PCDH19: variants seen among roughly 807,000 people sequenced by gnomAD.
PCDH19 encodes protocadherin-19.
Under a neutral mutation model 46.2 loss-of-function variants are expected in PCDH19, and 6 were observed. The observed-to-expected ratio is 0.13, with a 90% CI of 0.07 to 0.26. PCDH19 has a LOEUF of 0.26. Ranked by LOEUF, PCDH19 falls within the 10% of genes least tolerant of loss-of-function variation. The pLI is 1.00. For synonymous variants in PCDH19, 481 were observed against 415.7 expected (o/e 1.16, Z -1.91); for missense variants, 740 against 972.3 (o/e 0.76, Z 3.18).
intron 5 of PCDH19, among the ~76,000 whole-genome samples, chrX:100,327,452 G>A (rs1402192700): frequency 8.9e-6 from 1 of 112,030 alleles, no homozygotes; most frequent in African/African-American, 3.2e-5. Flanking sequence ...GACTAATGAT[G>A]TCAATCTTGA....
intron 3 of PCDH19, among the ~76,000 whole-genome samples, chrX:100,395,781 G>A (rs1436759750): frequency 8.8e-6 from 1 of 113,298 alleles, no homozygotes; most frequent in Non-Finnish European, 1.9e-5. Context: ...GGTGCTAGCA[G>A]CCTGGGTACA....
At chrX:100,384,396 TA>T (rs1436982293) in intron 3 of PCDH19, among the ~76,000 whole-genome samples, 9 of 111,123 alleles carry the variant, frequency 8.1e-5, no homozygotes, top group Non-Finnish European at 1.7e-4. Context: ...ATGAAACTAA[TA>T]ATTCTCCTTC....
At chrX:100,299,405 T>G (rs5921538) in intron 5 of PCDH19, among the ~76,000 whole-genome samples, 36,347 of 110,342 alleles carry the variant, frequency 0.33, 5,362 homozygotes, top group East Asian at 0.65. Flanking sequence ...AATTTTGAGA[T>G]TTAGTTTTTT....
chrX:100,301,669 A>G (rs1924786357), intron 5 of PCDH19, among the ~76,000 whole-genome samples: 1 of 111,316 alleles, frequency 9.0e-6, no homozygotes, highest in Non-Finnish European at 1.9e-5. Context: ...TTTTTGTGAG[A>G]TATAATGGAG....
chrX:100,377,414 C>T (rs58085170), intron 3 of PCDH19, among the ~76,000 whole-genome samples: 1 of 111,877 alleles, frequency 8.9e-6, no homozygotes, highest in Admixed American at 9.5e-5. Flanking sequence ...TTAACCTTCA[C>T]GCACATAATT....
At chrX:100,315,184 A>G (rs1379989086) in intron 5 of PCDH19, among the ~76,000 whole-genome samples, 1 of 112,301 alleles carries the variant, frequency 8.9e-6, no homozygotes, top group Non-Finnish European at 1.9e-5. Flanking sequence ...TTAGTAGGGT[A>G]TGTTATCAGC....
chrX:100,347,316 G>T (rs1416757371), intron 4 of PCDH19, among the ~76,000 whole-genome samples: 1 of 111,053 alleles, frequency 9.0e-6, no homozygotes, highest in Non-Finnish European at 1.9e-5. Context: ...TTCCTCCAGG[G>T]TCACTTCATG....
chrX:100,338,580 C>T (rs940700006), intron 5 of PCDH19, among the ~76,000 whole-genome samples: 1 of 101,641 alleles, frequency 9.8e-6, no homozygotes, highest in East Asian at 3.1e-4. Flanking sequence ...TTGAATATAA[C>T]ATTCTCCTTC....
At chrX:100,399,699 T>C (rs1385375857) in intron 3 of PCDH19, among the ~76,000 whole-genome samples, 1 of 111,688 alleles carries the variant, frequency 9.0e-6, no homozygotes, top group Non-Finnish European at 1.9e-5. Context: ...CCTTTCTGAA[T>C]GGGTTTGCCA....
intron 3 of PCDH19, among the ~76,000 whole-genome samples, chrX:100,366,644 A>T (rs1927078337): frequency 8.9e-6 from 1 of 112,375 alleles, no homozygotes; most frequent in South Asian, 3.7e-4. Context: ...ACAAGGTTAC[A>T]AGGAAAATGT....
chrX:100,339,916 T>C (rs754483101), intron 5 of PCDH19, among the ~76,000 whole-genome samples: 4 of 112,128 alleles, frequency 3.6e-5, no homozygotes, highest in African/African-American at 1.3e-4. Context: ...AAAGTGTGTA[T>C]GTGTGTGTAT....
At chrX:100,354,852 T>C (rs760648794) in intron 3 of PCDH19, among the ~76,000 whole-genome samples, 9 of 110,796 alleles carry the variant, frequency 8.1e-5, no homozygotes, top group African/African-American at 3.0e-4. Flanking sequence ...CTAGGAAATG[T>C]CCCCATTTCT....
At chrX:100,361,870 G>C (rs1195106680) in intron 3 of PCDH19, among the ~76,000 whole-genome samples, 1 of 110,193 alleles carries the variant, frequency 9.1e-6, no homozygotes, top group Non-Finnish European at 1.9e-5. Flanking sequence ...ATACTATTTG[G>C]GAGAAAAAAA....
At chrX:100,333,189 GAAAGAAAGAA>G (rs753678362) in intron 5 of PCDH19, among the ~76,000 whole-genome samples, 2,582 of 70,639 alleles carry the variant, frequency 0.037, 91 homozygotes, top group Middle Eastern at 0.087. Flanking sequence ...GAGAGAGAAA[GAAAGAAAGAA>G]AGAAAGAAAG....
At chrX:100,322,316 G>C (rs765955709) in intron 5 of PCDH19, among the ~76,000 whole-genome samples, 27 of 111,046 alleles carry the variant, frequency 2.4e-4, no homozygotes, top group Admixed American at 9.5e-5. Flanking sequence ...ACCATTTTTT[G>C]AAAAGGGTGT....
intron 3 of PCDH19, among the ~76,000 whole-genome samples, chrX:100,361,361 C>T (rs1375328836): frequency 9.0e-6 from 1 of 111,690 alleles, no homozygotes; most frequent in Non-Finnish European, 1.9e-5. Flanking sequence ...CTTAGAAAAA[C>T]CACATAAAGA....
chrX:100,370,993 A>ATGTG (rs59834814), intron 3 of PCDH19, among the ~76,000 whole-genome samples: 5,132 of 98,301 alleles, frequency 0.052, 112 homozygotes, highest in Non-Finnish European at 0.07. Context: ...GTGTGTGTGC[A>ATGTG]TGTGTGTGTG....
rs777960941 is a variant in PCDH19 at position 100,389,497 on chromosome X, T to C, written c.2616+13027A>G. Among the ~76,000 whole-genome samples, 6 of 110,899 alleles carry C rather than the reference T, an allele frequency of 5.4e-5. No homozygotes were observed. The South Asian group carries it at 1.9e-3, about 36-fold the overall frequency. On this transcript the variant is annotated intron_variant, in intron 3 of 5. Transcript: ENST00000373034. ...ATGGTGACTATAATTAACAATACTG[T>C]ATTGTATTCCTGAAATTTTCTAGGA...
At chrX:100,380,433 C>T (rs1380510508) in intron 3 of PCDH19, among the ~76,000 whole-genome samples, 3 of 111,340 alleles carry the variant, frequency 2.7e-5, no homozygotes, top group African/African-American at 9.8e-5. Flanking sequence ...GGTGTTTTGT[C>T]CCCCCACCCC....
Sources: gnomAD v4.1 joint callset for allele counts (sites outside exome capture counted in the v4.1 genomes callset) on GRCh38, gnomAD v4.1.1 for gene constraint, MANE v1.5 for transcripts, NCBI Gene and HGNC (gene_info 2026-07-23, HGNC 2026-07-21) for gene names.